PCDHA10: variants seen among roughly 807,000 people sequenced by gnomAD.
PCDHA10 encodes protocadherin alpha 10.
A neutral mutation model predicts 61.2 loss-of-function variants in PCDHA10; 45 were observed. That is an observed-to-expected ratio of 0.74 (90% CI 0.58 to 0.94). The LOEUF (loss-of-function observed/expected upper bound fraction) is 0.94. Among genes scored for constraint, PCDHA10 ranks in the 40% least tolerant of loss-of-function variants. PCDHA10 has a pLI of 0.00. For synonymous variants in PCDHA10, 602 were observed against 548.8 expected, an observed-to-expected ratio of 1.10 and a Z score of -1.35; for missense variants, 1,278 against 1,236.2, an observed-to-expected ratio of 1.03 and a Z score of -0.51.
At chr5:140,862,638 C>T (rs782579250) in intron 1 of PCDHA10, 2 of 539,918 alleles carry the variant, frequency 3.7e-6, no homozygotes, top group African/African-American at 1.9e-5. Flanking sequence ...GCCACGACTT[C>T]ACAGTGTCCG....
chr5:140,862,358 ACG>A (rs1554156250), intron 1 of PCDHA10: 1 of 337,982 alleles, frequency 3.0e-6, no homozygotes, highest in Non-Finnish European at 5.8e-6. Context: ...CAAGGGACAG[ACG>A]ACCCGCACCC....
chr5:140,869,429 T>C lies in PCDHA10; in HGVS notation c.2388+10993T>C, dbSNP rs1006497068. ...GAGTGCAGCATCCACCTGGAGGTGA[T>C]CGTGGACAGGCCGCTGCAGGTTTTC... is the stretch of plus-strand genomic sequence containing the variant. On this transcript the variant is annotated intron_variant, in intron 1 of 3. Coordinates refer to ENST00000307360, the MANE Select transcript of PCDHA10 (RefSeq NM_018901.4). The C allele has an allele frequency of 2.2e-5, 35 of 1,614,074 alleles. No homozygotes were observed. The highest frequency in any genetic ancestry group is 3.0e-5 in the Non-Finnish European group (35 of 1,180,048).
intron 1 of PCDHA10, chr5:140,870,246 C>A: frequency 6.2e-7 from 1 of 1,614,168 alleles, no homozygotes; most frequent in Non-Finnish European, 8.5e-7. Flanking sequence ...CAGGTGTCAA[C>A]GGACAGGTGA....
At chr5:140,985,938 A>G (rs960910585) in intron 3 of PCDHA10, among the ~76,000 whole-genome samples, 8 of 151,748 alleles carry the variant, frequency 5.3e-5, no homozygotes, top group Non-Finnish European at 8.8e-5. Context: ...CCGGGGTTTC[A>G]CTGTGTTAGC....
intron 1 of PCDHA10, among the ~76,000 whole-genome samples, chr5:140,941,542 C>T (rs782270560): frequency 4.0e-5 from 6 of 151,842 alleles, no homozygotes; most frequent in Non-Finnish European, 7.4e-5. Context: ...GTCTTGAACT[C>T]CTGACCTCGT....
chr5:140,907,582 G>A (rs978225789), intron 1 of PCDHA10, among the ~76,000 whole-genome samples: 1 of 152,190 alleles, frequency 6.6e-6, no homozygotes, highest in Admixed American at 6.5e-5. Flanking sequence ...CAGGTAGCTG[G>A]CTGATCACCC....
chr5:140,956,562 T>C (rs1395246956), intron 1 of PCDHA10, among the ~76,000 whole-genome samples: 1 of 152,212 alleles, frequency 6.6e-6, no homozygotes, highest in Non-Finnish European at 1.5e-5. Flanking sequence ...CAGTATCTTA[T>C]TGAGGATTTT....
At chr5:140,907,517 G>C (rs1174112923) in intron 1 of PCDHA10, among the ~76,000 whole-genome samples, 1 of 152,192 alleles carries the variant, frequency 6.6e-6, no homozygotes, top group Non-Finnish European at 1.5e-5. Flanking sequence ...TTCCAGTGAG[G>C]ACAAATCGCT....
chr5:140,912,222 C>G (rs782160814), intron 1 of PCDHA10, among the ~76,000 whole-genome samples: 2 of 151,926 alleles, frequency 1.3e-5, no homozygotes, highest in Non-Finnish European at 2.9e-5. Flanking sequence ...CTGCCTTTCC[C>G]AGTCCACTGA....
intron 1 of PCDHA10, chr5:140,884,122 G>A (rs1212118784): frequency 6.2e-7 from 1 of 1,613,306 alleles, no homozygotes; most frequent in East Asian, 2.2e-5. Flanking sequence ...CGGTCGGCGC[G>A]CGCATCCCGT....
intron 1 of PCDHA10, among the ~76,000 whole-genome samples, chr5:140,949,245 A>G (rs782212374): frequency 2.4e-4 from 37 of 151,798 alleles, no homozygotes; most frequent in Non-Finnish European, 4.3e-4. Context: ...GCAACAGTCT[A>G]TCTTGATGAA....
At chr5:140,955,506 G>A (rs781377705) in intron 1 of PCDHA10, among the ~76,000 whole-genome samples, 3 of 152,222 alleles carry the variant, frequency 2.0e-5, no homozygotes, top group South Asian at 2.1e-4. Flanking sequence ...GAAGAAAGAC[G>A]TGTTTGCTTT....
At chr5:140,916,009 C>CA (rs541727470) in intron 1 of PCDHA10, among the ~76,000 whole-genome samples, 78 of 152,190 alleles carry the variant, frequency 5.1e-4, no homozygotes, top group Non-Finnish European at 9.6e-4. Flanking sequence ...AACCACAAGA[C>CA]AAAGTCTTTC....
intron 1 of PCDHA10, among the ~76,000 whole-genome samples, chr5:140,878,675 G>C (rs1582445027): frequency 6.6e-6 from 1 of 152,048 alleles, no homozygotes; most frequent in East Asian, 1.9e-4. Flanking sequence ...TTTAACCAGG[G>C]AATAAAGTCT....
chr5:140,967,127 T>C (rs155808), intron 1 of PCDHA10: 558,768 of 1,612,332 alleles, frequency 0.35, 98,550 homozygotes, highest in East Asian at 0.51. Flanking sequence ...CCTGCTCAGC[T>C]TGGAAGTGCT....
intron 1 of PCDHA10, among the ~76,000 whole-genome samples, chr5:140,894,631 A>G (rs1413513485): frequency 6.6e-6 from 1 of 151,582 alleles, no homozygotes; most frequent in Non-Finnish European, 1.5e-5. Flanking sequence ...TTCTCCAATC[A>G]TATCATTACT....
At chr5:140,909,519 T>C (rs975700982) in intron 1 of PCDHA10, among the ~76,000 whole-genome samples, 4 of 152,214 alleles carry the variant, frequency 2.6e-5, no homozygotes, top group Non-Finnish European at 4.4e-5. Context: ...TCACAACCCC[T>C]GCACATTTTG....
At chr5:140,956,195 G>A (rs1324151692) in intron 1 of PCDHA10, among the ~76,000 whole-genome samples, 1 of 152,178 alleles carries the variant, frequency 6.6e-6, no homozygotes, top group Non-Finnish European at 1.5e-5. Flanking sequence ...CTGAATAGGA[G>A]TGGTGAAAGA....
intron 1 of PCDHA10, among the ~76,000 whole-genome samples, chr5:140,918,819 TG>T (rs2078870306): frequency 1.6e-5 from 1 of 61,992 alleles, no homozygotes; most frequent in Admixed American, 1.3e-4. Flanking sequence ...AACCAAAAAG[TG>T]GCCCCCTCCC....
Sources: gnomAD v4.1 joint callset for allele counts (sites outside exome capture counted in the v4.1 genomes callset) on GRCh38, gnomAD v4.1.1 for gene constraint, MANE v1.5 for transcripts, NCBI Gene and HGNC (gene_info 2026-07-23, HGNC 2026-07-21) for gene names.